Variants in ANKRD46 observed in about 807,000 individuals in gnomAD.
ANKRD46 encodes the protein ankyrin repeat domain 46.
A neutral mutation model predicts 19.8 loss-of-function variants in ANKRD46; 13 were observed. That is an observed-to-expected ratio of 0.66 (90% CI 0.43 to 1.04). ANKRD46 has a LOEUF of 1.04. Among genes scored for constraint, ANKRD46 ranks in the 50% least tolerant of loss-of-function variants. ANKRD46 has a pLI of 0.00. For synonymous variants in ANKRD46, 91 were observed against 106.9 expected, an observed-to-expected ratio of 0.85 and a Z score of 0.92; for missense variants, 185 against 274.8, an observed-to-expected ratio of 0.67 and a Z score of 2.31.
chr8:100,523,779 G>A (rs771830185), intron 4 of ANKRD46, among the ~76,000 whole-genome samples: 1 of 152,114 alleles, frequency 6.6e-6, no homozygotes, highest in African/African-American at 2.4e-5. Flanking sequence ...AGGTAGCTGG[G>A]ACTACAGGTG....
At chr8:100,515,865 CTTGTTT>C (rs1173748408), downstream of ANKRD46, among the ~76,000 whole-genome samples, 1 of 151,112 alleles carries the variant, frequency 6.6e-6, no homozygotes, top group African/African-American at 2.4e-5. Flanking sequence ...ATTCCAGTAA[CTTGTTT>C]TTGTTTTTTT....
At position 100,544,996 on chromosome 8, in the gene ANKRD46, A is replaced by G. The variant is rs375328177; in HGVS notation, c.-130-11685T>C. On this transcript the variant is annotated intron_variant, in intron 1 of 4. Transcript: ENST00000335659. This position sits in a 1 kb window ranked among gnomAD's most constrained non-coding sequence, Gnocchi z 4.4. ...AGGGCAGATCAACAGTCCCAAATGG[A>G]TATTTTGCCATGGCCTTAATATCAT... Among the ~76,000 whole-genome samples, 8 of 152,212 alleles carry G rather than the reference A, an allele frequency of 5.3e-5. 1 individual carries two copies. Among genetic ancestry groups the G allele is most frequent in the African/African-American group, 1.9e-4 (8 of 41,534 alleles).
intron 5 of ANKRD46, among the ~76,000 whole-genome samples, chr8:100,513,842 G>A (rs1811586036): frequency 6.6e-6 from 1 of 152,176 alleles, no homozygotes; most frequent in African/African-American, 2.4e-5. Flanking sequence ...AGACTGTGCT[G>A]GTGGAATTGT....
At chr8:100,547,264 G>A (rs949059650) in intron 1 of ANKRD46, among the ~76,000 whole-genome samples, 1 of 152,134 alleles carries the variant, frequency 6.6e-6, no homozygotes, top group African/African-American at 2.4e-5. Flanking sequence ...GGGACCTGGT[G>A]GGAGGTGACT....
At position 100,559,011 on chromosome 8, in the gene ANKRD46, C is replaced by T. The variant is rs1053039890; in HGVS notation, c.-131+700G>A. 1 of 152,104 alleles carries T rather than the reference C, an allele frequency of 6.6e-6. No homozygotes were observed. Among genetic ancestry groups the T allele is most frequent in the Non-Finnish European group, 1.5e-5 (1 of 68,010 alleles). The allele number at this position is 152,104 out of a possible 1,614,324, so 9.4% of individuals were successfully genotyped here. A position where few individuals can be genotyped will look rare whatever the true frequency, so the allele number is the denominator to read the frequency against. On this transcript the variant is annotated intron_variant, in intron 1 of 4. Coordinates refer to ENST00000335659, the MANE Select transcript of ANKRD46 (RefSeq NM_001270377.2). The surrounding 1 kb of genome is among the most constrained non-coding windows in gnomAD (Gnocchi z 6.0). Reference sequence around the variant, plus strand: ...CCGTCATTTTTTAAAGATTGAGAAGCGCTACTATTCAATGGCATATTTTTA... The same window carrying T: ...CCGTCATTTTTTAAAGATTGAGAAGTGCTACTATTCAATGGCATATTTTTA...
chr8:100,521,284 G>A lies in ANKRD46; in HGVS notation c.*1271C>T, dbSNP rs945870734. 3.1e-5 allele frequency: 31 copies of A among 985,076 alleles called. No homozygotes were observed. The highest frequency in any genetic ancestry group is 3.7e-5 in the Non-Finnish European group (31 of 829,914). 61.0% of individuals were successfully genotyped at this position (985,076 alleles called of 1,614,324 possible). A position where few individuals can be genotyped will look rare whatever the true frequency, so the allele number is the denominator to read the frequency against. On this transcript the variant is annotated 3_prime_UTR_variant, in exon 5 of 5. Transcript: ENST00000335659. Reference sequence around the variant, plus strand: ...AGCAATTCAATTAGCAATAGCTTAGGTGCCTTTATTCCAAAAAACAAAACC... The same window carrying A: ...AGCAATTCAATTAGCAATAGCTTAGATGCCTTTATTCCAAAAAACAAAACC...
Position 100,557,069 on chromosome 8 carries a change from C to T in ANKRD46, c.-131+2642G>A, listed in dbSNP as rs553935761. ...TAGCTGATGAGCTTAAAAAAAAATA[C>T]AATCAATCTCATAATGTTTTAAGTA... On this transcript the variant is annotated intron_variant, in intron 1 of 4. Transcript: ENST00000335659. The surrounding 1 kb of genome is among the most constrained non-coding windows in gnomAD (Gnocchi z 5.9). 6.6e-6 allele frequency among the ~76,000 whole-genome samples: 1 copy of T among 151,344 alleles called. No homozygotes were observed. The highest frequency in any genetic ancestry group is 6.6e-5 in the Admixed American group (1 of 15,220).
At position 100,537,978 on chromosome 8, in the gene ANKRD46, T is replaced by C. The variant is rs1361586351; in HGVS notation, c.-130-4667A>G. ...AGGAGAAAACAGTTCATGTAAAACT[T>C]TGTTGCTTGTTCACAACTGTCCTAA... On this transcript the variant is annotated intron_variant, in intron 1 of 4. Transcript: ENST00000335659. This position sits in a 1 kb window ranked among gnomAD's most constrained non-coding sequence, Gnocchi z 4.2. Among the ~76,000 whole-genome samples the C allele has an allele frequency of 6.6e-6, 1 of 152,170 alleles. No individual in the cohort carries two copies. The highest frequency in any genetic ancestry group is 1.5e-5 in the Non-Finnish European group (1 of 68,032).
chr8:100,539,916 A>G (rs552447825), intron 1 of ANKRD46, among the ~76,000 whole-genome samples: 1 of 152,316 alleles, frequency 6.6e-6, no homozygotes, highest in African/African-American at 2.4e-5. Flanking sequence ...TCACTGAGTT[A>G]AGTTCATATA....
intron 5 of ANKRD46, among the ~76,000 whole-genome samples, chr8:100,512,343 G>C (rs887619238): frequency 6.6e-6 from 1 of 152,176 alleles, no homozygotes; most frequent in Non-Finnish European, 1.5e-5. Context: ...CCTTGGAAAG[G>C]TATAGAATTA....
chr8:100,531,665 A>C (rs1811965734), intron 2 of ANKRD46, among the ~76,000 whole-genome samples: 1 of 152,014 alleles, frequency 6.6e-6, no homozygotes, highest in South Asian at 2.1e-4. Flanking sequence ...TTAAATTGAG[A>C]CAGGTTCTTG....
In ANKRD46 at chr8:100,522,184, T is replaced by G; in HGVS notation, c.*371A>C. 9.9e-7 allele frequency: 1 copy of G among 1,005,302 alleles called. No homozygotes were observed. Among genetic ancestry groups the G allele is most frequent in the Non-Finnish European group, 1.2e-6 (1 of 841,516 alleles). 62.3% of individuals were successfully genotyped at this position (1,005,302 alleles called of 1,614,324 possible). On this transcript the variant is annotated 3_prime_UTR_variant, in exon 5 of 5. Transcript: ENST00000335659. ...AACAAAAACTAATCATATAAGATAC[T>G]GTTTTTCTTTTTGAATACTTCAATT...
downstream of ANKRD46, among the ~76,000 whole-genome samples, chr8:100,516,377 G>T (rs1033801474): frequency 3.3e-5 from 5 of 152,162 alleles, no homozygotes; most frequent in Non-Finnish European, 7.3e-5. Flanking sequence ...TTTTGAATAT[G>T]AGGCAACAAA....
intron 1 of ANKRD46, among the ~76,000 whole-genome samples, chr8:100,539,054 T>G (rs572001115): frequency 6.6e-6 from 1 of 152,252 alleles, no homozygotes; most frequent in Non-Finnish European, 1.5e-5. Context: ...TGTATGGCTG[T>G]GGAACCAGTC....
rs576105479 is a variant in ANKRD46 at position 100,545,169 on chromosome 8, A to T, written c.-130-11858T>A. Reference sequence around the variant, plus strand: ...GTGAGACCTTGTCTCTAAAATATACATATATAAAAGTTAGGTGTGGTGACG... The same window carrying T: ...GTGAGACCTTGTCTCTAAAATATACTTATATAAAAGTTAGGTGTGGTGACG... On this transcript the variant is annotated intron_variant, in intron 1 of 4. Coordinates refer to ENST00000335659, the MANE Select transcript of ANKRD46 (RefSeq NM_001270377.2). The surrounding 1 kb of genome is among the most constrained non-coding windows in gnomAD (Gnocchi z 4.7). 3.9e-5 allele frequency among the ~76,000 whole-genome samples: 6 copies of T among 152,236 alleles called. 1 individual carries two copies. Among genetic ancestry groups the T allele is most frequent in the African/African-American group, 1.4e-4 (6 of 41,544 alleles).
rs900243132 is a variant in ANKRD46 at position 100,527,708 on chromosome 8, C to T, written c.470+137G>A. On this transcript the variant is annotated intron_variant, in intron 4 of 4. Coordinates refer to ENST00000335659, the MANE Select transcript of ANKRD46 (RefSeq NM_001270377.2). This position sits in a 1 kb window ranked among gnomAD's most constrained non-coding sequence, Gnocchi z 4.0. ...TAAAGTGACTTTCCCCTTAAAAAAT[C>T]GTATTATCTTGCTGGGTGTGGCTAC... is the stretch of plus-strand genomic sequence containing the variant. 3.8e-6 allele frequency: 3 copies of T among 797,842 alleles called. No individual in the cohort carries two copies. Among genetic ancestry groups the T allele is most frequent in the South Asian group, 6.1e-5 (2 of 32,564 alleles). 49.4% of individuals were successfully genotyped at this position (797,842 alleles called of 1,614,324 possible).
Position 100,524,219 on chromosome 8 carries a change from T to C in ANKRD46, c.471-1448A>G, listed in dbSNP as rs1188109376. 2.6e-5 allele frequency among the ~76,000 whole-genome samples: 4 copies of C among 152,094 alleles called. No individual in the cohort carries two copies. The highest frequency in any genetic ancestry group is 1.9e-4 in the East Asian group (1 of 5,194). On this transcript the variant is annotated intron_variant, in intron 4 of 4. Transcript: ENST00000335659. The surrounding 1 kb of genome is among the most constrained non-coding windows in gnomAD (Gnocchi z 4.3). The stretch of plus-strand genomic sequence containing the variant: ...ACAACATACAGGCCCAATAAGAGGG[T>C]ATCATTTAGATTAAAGCCACCATAA...
chr8:100,522,715 A>G lies in ANKRD46; in HGVS notation c.527T>C (p.Leu176Pro). The change falls in exon 5 of 5, where the codon CTC becomes CCC. Residue 176 changes from leucine to proline, a missense_variant. By Grantham distance (98) the Leu-to-Pro change is moderately conservative. Coordinates refer to ENST00000335659, the MANE Select transcript of ANKRD46 (RefSeq NM_001270377.2). ...NPNLQQGEGV[L>P]SSFRTTWQEF... ...CTGCCACGTGGTTCGGAAGCTGGAG[A>G]GGACTCCTTCACCTTGCTGCAGGTT... is the stretch of plus-strand genomic sequence containing the variant. 6.2e-7 allele frequency: 1 copy of G among 1,614,154 alleles called. No homozygotes were observed.
At chr8:100,555,518 T>C (rs1563494562) in intron 1 of ANKRD46, among the ~76,000 whole-genome samples, 1 of 148,396 alleles carries the variant, frequency 6.7e-6, no homozygotes, top group African/African-American at 2.5e-5. Flanking sequence ...AAAAACACAA[T>C]AGAAATTTAA....
Sources: allele counts gnomAD v4.1 joint callset (sites outside exome capture counted in the v4.1 genomes callset), GRCh38; gene constraint gnomAD v4.1.1; non-coding constraint Gnocchi (gnomAD v3.1); transcripts MANE v1.5; gene names NCBI Gene and HGNC (gene_info 2026-07-23, HGNC 2026-07-21).